The following TEX13C variants were observed in gnomAD, a reference collection of about 807,000 sequenced individuals.
TEX13C encodes the protein testis-expressed protein 13C.
For synonymous variants in TEX13C, 219 were observed against 116.6 expected (o/e 1.88, Z -5.65); for missense variants, 480 against 298.7 (o/e 1.61, Z -4.47).
exon 1 of TEX13C, chrX:125,322,047 C>A (rs2018849371): frequency 9.3e-6 from 4 of 431,024 alleles, no homozygotes; most frequent in Admixed American, 6.6e-5. Flanking sequence ...GAGATGGTCC[C>A]CCTGGGGGAC....
At chrX:125,321,226 C>T in exon 1 of TEX13C, 2 of 514,885 alleles carry the variant, frequency 3.9e-6, no homozygotes, top group Non-Finnish European at 3.5e-6. Context: ...AGGAGATGGT[C>T]CCCCTAGGGG....
chrX:125,320,671 G>A, exon 1 of TEX13C: 1 of 515,712 alleles, frequency 1.9e-6, no homozygotes, highest in East Asian at 3.6e-5. Flanking sequence ...AACAGAGTGA[G>A]GCGGTGGCCA....
exon 1 of TEX13C, chrX:125,320,162 G>A (rs957571095): frequency 3.4e-5 from 17 of 502,902 alleles, no homozygotes; most frequent in Non-Finnish European, 5.7e-5. Flanking sequence ...GTTCCGCCAT[G>A]ATGATGTGAT....
exon 1 of TEX13C, chrX:125,322,874 G>A: frequency 1.9e-6 from 1 of 515,274 alleles, no homozygotes; most frequent in Non-Finnish European, 3.5e-6. Context: ...CAAGAGCCAT[G>A]GTGTGAAAAA....
upstream of TEX13C, chrX:125,320,033 G>T (rs985605180): frequency 5.6e-4 from 250 of 450,182 alleles, 3 homozygotes; most frequent in East Asian, 8.7e-3. Flanking sequence ...GGGTGGACTG[G>T]TTGGTGGCAG....
At chrX:125,321,730 C>A (rs1264639524) in exon 1 of TEX13C, 1 of 509,282 alleles carries the variant, frequency 2.0e-6, no homozygotes, top group Non-Finnish European at 3.5e-6. Context: ...AGAAGATGGT[C>A]CCCCTGGGGG....
exon 1 of TEX13C, chrX:125,320,888 G>T (rs1337109749): frequency 1.9e-6 from 1 of 513,828 alleles, no homozygotes; most frequent in Non-Finnish European, 3.5e-6. Context: ...AATGGAATCA[G>T]CAGCAGCAAT....
At chrX:125,319,880 T>C (rs756913289), upstream of TEX13C, among the ~76,000 whole-genome samples, 133 of 112,342 alleles carry the variant, frequency 1.2e-3, no homozygotes, top group Non-Finnish European at 1.8e-3. Context: ...CTCTGTGATG[T>C]GTCGCGGAGT....
chrX:125,320,184 A>G lies in TEX13C; in HGVS notation c.65A>G (p.Asn22Ser), dbSNP rs1237400633. Residue 22 changes from asparagine (N) to serine (S), a missense_variant, in exon 1 of 1, where the codon AAC becomes AGC. Physicochemically the swap from Asn to Ser is conservative, Grantham distance 46. Coordinates refer to ENST00000632600, the Ensembl canonical transcript of TEX13C. ...CATGATGATGTGATCAGGTTCATCA[A>G]CAATGAAGTCCTCAGGAACGGCGGC... 3 of 513,110 alleles carry G rather than the reference A, an allele frequency of 5.8e-6. No individual in the cohort carries two copies. The African/African-American group carries it at 6.8e-5, about 12-fold the overall frequency. 42.3% of individuals were successfully genotyped at this position (513,110 alleles called of 1,213,427 possible).
chrX:125,322,263 A>G (rs2018852819), exon 1 of TEX13C: 1 of 498,835 alleles, frequency 2.0e-6, no homozygotes. Context: ...AGCCTGAAGA[A>G]AGATCCAGTG....
Position 125,322,663 on chromosome X carries a change from C to T in TEX13C, c.2544C>T (p.Val848=), listed in dbSNP as rs747406274. The change falls in exon 1 of 1, where the codon GTC becomes GTT. Residue 848 remains valine, a synonymous_variant. Coordinates refer to ENST00000632600, the Ensembl canonical transcript of TEX13C. The stretch of plus-strand genomic sequence containing the variant: ...ATCTAGTGATGCCCAAGGAGATGGT[C>T]CCCCTAGGGGACAGCAACAGTCACA... 50 of 512,117 alleles carry T rather than the reference C, an allele frequency of 9.8e-5. 1 individual carries two copies. Among genetic ancestry groups the T allele is most frequent in the Middle Eastern group, 3.1e-4 (1 of 3,217 alleles). The allele number at this position is 512,117 out of a possible 1,213,427, so 42.2% of individuals were successfully genotyped here. A position where few individuals can be genotyped will look rare whatever the true frequency, so the allele number is the denominator to read the frequency against.
exon 1 of TEX13C, chrX:125,320,589 C>T (rs971621480): frequency 5.8e-6 from 3 of 515,710 alleles, no homozygotes; most frequent in East Asian, 3.6e-5. Context: ...CAGGTCTATC[C>T]GATGCCTCAG....
At chrX:125,325,079 G>T (rs1289669910) in exon 1 of TEX13C, 1 of 111,832 alleles carries the variant, frequency 8.9e-6, no homozygotes, top group Non-Finnish European at 1.9e-5. Context: ...GAGCCCAGGG[G>T]TGGTTGGTTA....
chrX:125,322,804 C>T, exon 1 of TEX13C: 1 of 515,316 alleles, frequency 1.9e-6, no homozygotes, highest in South Asian at 2.5e-5. Flanking sequence ...TGAGGTTTAG[C>T]AAGAGCCACA....
exon 1 of TEX13C, chrX:125,320,897 A>G (rs773008994): frequency 3.9e-6 from 2 of 515,231 alleles, no homozygotes; most frequent in South Asian, 2.5e-5. Flanking sequence ...AGCAGCAGCA[A>G]TTGCACCACA....
exon 1 of TEX13C, chrX:125,321,565 C>T (rs752603953): frequency 2.0e-6 from 1 of 509,229 alleles, no homozygotes; most frequent in Non-Finnish European, 3.5e-6. Context: ...GCAGGAGGCA[C>T]AGCCAGAAGA....
At chrX:125,323,413 C>T (rs1319813584) in exon 1 of TEX13C, 1 of 148,002 alleles carries the variant, frequency 6.8e-6, no homozygotes, top group African/African-American at 3.1e-5. Flanking sequence ...TAATTGCTGT[C>T]AACTTTTTCA....
At chrX:125,322,949 G>A (rs1265338872) in exon 1 of TEX13C, 3 of 515,485 alleles carry the variant, frequency 5.8e-6, no homozygotes, top group Middle Eastern at 6.2e-4. Context: ...AAAGGCCTCA[G>A]AATCCCAGCA....
chrX:125,324,915 G>A (rs951899611), exon 1 of TEX13C: 3 of 111,931 alleles, frequency 2.7e-5, no homozygotes, highest in Admixed American at 1.9e-4. Context: ...TATGGATGGT[G>A]TTTCTCTTGG....
Sources: allele counts gnomAD v4.1 joint callset (sites outside exome capture counted in the v4.1 genomes callset), GRCh38; gene constraint gnomAD v4.1.1; transcripts MANE v1.5; gene names NCBI Gene and HGNC (gene_info 2026-07-23, HGNC 2026-07-21).